Variants in CKAP5 observed in about 807,000 individuals in gnomAD.
CKAP5 encodes cytoskeleton-associated protein 5.
Under a neutral mutation model 232.8 loss-of-function variants are expected in CKAP5, and 27 were observed. The ratio of observed to expected loss-of-function variants is 0.12; its 90% confidence interval spans 0.09 to 0.16. CKAP5 has a LOEUF of 0.16. Ranked by LOEUF, CKAP5 falls within the 10% of genes least tolerant of loss-of-function variation. The probability of loss-of-function intolerance (pLI) is 1.00; values close to 1 mark genes in which losing one functional copy is unlikely to be tolerated. For synonymous variants in CKAP5, 785 were observed against 841.1 expected, an observed-to-expected ratio of 0.93 and a Z score of 1.16; for missense variants, 1,838 against 2,424.7, an observed-to-expected ratio of 0.76 and a Z score of 5.08.
rs772041589 is a variant in CKAP5 at position 46,808,164 on chromosome 11, T to C, written c.865-20A>G. ...TGCCTCCTGCAAGATACAATATGAG[T>C]CATTTGTAACAGGAAATAAGAGAGC... On this transcript the variant is annotated intron_variant, in intron 7 of 43. Coordinates refer to ENST00000529230, the MANE Select transcript of CKAP5 (RefSeq NM_001008938.4). 7.0e-7 allele frequency: 1 copy of C among 1,427,718 alleles called. No homozygotes were observed. Among genetic ancestry groups the C allele is most frequent in the South Asian group, 1.2e-5 (1 of 84,878 alleles). 88.4% of individuals were successfully genotyped at this position (1,427,718 alleles called of 1,614,324 possible). A position where few individuals can be genotyped will look rare whatever the true frequency, so the allele number is the denominator to read the frequency against.
chr11:46,799,421 A>T (rs1261094515), intron 9 of CKAP5, among the ~76,000 whole-genome samples: 1 of 152,226 alleles, frequency 6.6e-6, no homozygotes, highest in East Asian at 1.9e-4. Flanking sequence ...ACTTTTTAAT[A>T]CTAGTTATAA....
intron 4 of CKAP5, among the ~76,000 whole-genome samples, chr11:46,812,011 G>A (rs867454826): frequency 6.6e-6 from 1 of 152,042 alleles, no homozygotes; most frequent in African/African-American, 2.4e-5. Flanking sequence ...TTTCTATGGG[G>A]AAAATGTTGC....
chr11:46,801,410 C>A (rs1329052029), intron 8 of CKAP5, 106 bp from the exon 9 acceptor site: 2 of 800,882 alleles, frequency 2.5e-6, no homozygotes, highest in Non-Finnish European at 4.1e-6. Context: ...CGGCTCACAC[C>A]TGTAATCCCA....
rs913824403 is a variant in CKAP5 at position 46,752,657 on chromosome 11, T to G, written c.5111A>C (p.Lys1704Thr). The change falls in exon 38 of 44, where the codon AAA becomes ACA. Residue 1704 changes from lysine (K) to threonine (T), a missense_variant. Transcript: ENST00000529230. ...DSLLATASSP[K>T]FSELVMKCLW... Reference sequence around the variant, plus strand: ...CACCTTCATAACAAGCTCTGAGAATTTGGGAGAACTGGCTGTTGCTAGCAG... The same window carrying G: ...CACCTTCATAACAAGCTCTGAGAATGTGGGAGAACTGGCTGTTGCTAGCAG... The G allele has an allele frequency of 1.9e-6, 3 of 1,613,192 alleles. No individual in the cohort carries two copies. The highest frequency in any genetic ancestry group is 3.3e-5 in the Admixed American group (2 of 59,922).
Position 46,838,652 on chromosome 11 carries a change from C to T in CKAP5, c.-38+7568G>A, listed in dbSNP as rs1057505256. ...AAAAAAAAAAAAAAAAAAAATTAGC[C>T]GGGTGTGGTGGCACTCGCCTGTAGT... is the stretch of plus-strand genomic sequence containing the variant. On this transcript the variant is annotated intron_variant, in intron 1 of 43. Transcript: ENST00000529230. Among the ~76,000 whole-genome samples the T allele has an allele frequency of 9.5e-5, 13 of 137,296 alleles. No homozygotes were observed. In the Middle Eastern group the frequency reaches 0.013, roughly 138 times the overall value. The allele number at this position is 137,296 out of a possible 152,430, so 90.1% of individuals were successfully genotyped here. A position where few individuals can be genotyped will look rare whatever the true frequency, so the allele number is the denominator to read the frequency against.
intron 15 of CKAP5, among the ~76,000 whole-genome samples, chr11:46,789,355 A>G (rs1472506642): frequency 6.6e-6 from 1 of 152,204 alleles, no homozygotes; most frequent in African/African-American, 2.4e-5. Context: ...GGTTTTTGAG[A>G]GGTTTTCATA....
chr11:46,779,796 TA>T (rs773259415), intron 20 of CKAP5, among the ~76,000 whole-genome samples: 1 of 151,702 alleles, frequency 6.6e-6, no homozygotes, highest in African/African-American at 2.4e-5. Flanking sequence ...ATTTTTTGAT[TA>T]TTTTTTTGTA....
chr11:46,767,356 A>G (rs1168443918), intron 27 of CKAP5, among the ~76,000 whole-genome samples: 3 of 152,178 alleles, frequency 2.0e-5, no homozygotes, highest in African/African-American at 7.2e-5. Flanking sequence ...TTCCCCGAAA[A>G]TCTACATGAA....
chr11:46,779,418 C>A (rs770401992), intron 20 of CKAP5, among the ~76,000 whole-genome samples: 13 of 152,174 alleles, frequency 8.5e-5, no homozygotes, highest in Non-Finnish European at 1.5e-4. Context: ...CAGGCGTGAG[C>A]CACCAAGCCC....
chr11:46,811,273 TATTAG>T, intron 4 of CKAP5, 95 bp from the exon 5 acceptor site: 1 of 977,374 alleles, frequency 1.0e-6, no homozygotes, highest in Non-Finnish European at 1.5e-6. Context: ...CATATCTACA[TATTAG>T]AAGAATTATA....
intron 24 of CKAP5, among the ~76,000 whole-genome samples, 188 bp downstream of exon 24, chr11:46,776,067 T>TA (rs1486283684): frequency 4.6e-5 from 7 of 152,038 alleles, no homozygotes; most frequent in Non-Finnish European, 8.8e-5. Context: ...GCGTTATTGA[T>TA]AAAGAAGCAT....
chr11:46,822,452 T>C (rs897130454), intron 1 of CKAP5, among the ~76,000 whole-genome samples: 5 of 152,052 alleles, frequency 3.3e-5, no homozygotes, highest in African/African-American at 7.2e-5. Flanking sequence ...GAATTACTTA[T>C]AGAAAATAAT....
intron 1 of CKAP5, among the ~76,000 whole-genome samples, chr11:46,835,943 T>C (rs773088231): frequency 1.3e-5 from 2 of 152,212 alleles, no homozygotes; most frequent in Non-Finnish European, 2.9e-5. Flanking sequence ...TGATATGATA[T>C]GGTATTCTAT....
intron 5 of CKAP5, 127 bp from the exon 6 acceptor site, chr11:46,810,001 T>A: frequency 7.8e-6 from 7 of 893,856 alleles, no homozygotes; most frequent in Non-Finnish European, 1.1e-5. Flanking sequence ...AGACAGAGTC[T>A]TACTCTGTCA....
chr11:46,844,736 G>C (rs186672693), intron 1 of CKAP5, among the ~76,000 whole-genome samples: 5 of 152,072 alleles, frequency 3.3e-5, no homozygotes, highest in Non-Finnish European at 7.4e-5. Flanking sequence ...CTGTCTCCCG[G>C]GTTCAAATGA....
chr11:46,821,740 A>T (rs949321890), intron 1 of CKAP5, among the ~76,000 whole-genome samples: 12 of 150,892 alleles, frequency 8.0e-5, no homozygotes, highest in South Asian at 6.4e-4. Flanking sequence ...TTTTTTTTTT[A>T]AAGTCACTCA....
chr11:46,818,101 A>G (rs928000600), intron 3 of CKAP5, among the ~76,000 whole-genome samples: 1 of 152,176 alleles, frequency 6.6e-6, no homozygotes, highest in Non-Finnish European at 1.5e-5. Context: ...TCAAAATATT[A>G]TTTCTAATTT....
At chr11:46,814,557 A>G (rs1939355726) in intron 4 of CKAP5, among the ~76,000 whole-genome samples, 1 of 152,192 alleles carries the variant, frequency 6.6e-6, no homozygotes, top group South Asian at 2.1e-4. Flanking sequence ...TTCCGTGAGG[A>G]TTTTACTACA....
At chr11:46,829,432 C>T (rs1939725700) in intron 1 of CKAP5, among the ~76,000 whole-genome samples, 1 of 152,160 alleles carries the variant, frequency 6.6e-6, no homozygotes, top group East Asian at 1.9e-4. Flanking sequence ...TTAGTCCCAG[C>T]TACTCGGGAG....
Sources: allele counts gnomAD v4.1 joint callset (sites outside exome capture counted in the v4.1 genomes callset), GRCh38; gene constraint gnomAD v4.1.1; transcripts MANE v1.5; gene names NCBI Gene and HGNC (gene_info 2026-07-23, HGNC 2026-07-21).